The following TOP1 variants were observed in gnomAD, a reference collection of about 807,000 sequenced individuals.
TOP1 encodes the protein DNA topoisomerase I.
A neutral mutation model predicts 111.1 loss-of-function variants in TOP1; 10 were observed. That is an observed-to-expected ratio of 0.09 (90% CI 0.06 to 0.15). TOP1 has a LOEUF of 0.15. Among genes scored for constraint, TOP1 ranks in the 10% least tolerant of loss-of-function variants. TOP1 has a pLI of 1.00. For missense variants in TOP1, 474 were observed against 926.7 expected (o/e 0.51, Z 6.34); for synonymous variants, 271 against 302.9 (o/e 0.89, Z 1.10).
intron 13 of TOP1, among the ~76,000 whole-genome samples, chr20:41,103,673 A>G (rs1600592301): frequency 6.6e-6 from 1 of 152,012 alleles, no homozygotes; most frequent in Non-Finnish European, 1.5e-5. Context: ...TTAAATTAGT[A>G]CCTGAAGATC....
chr20:41,100,423 A>T lies in TOP1; in HGVS notation c.1163+180A>T, dbSNP rs1436635935. On this transcript the variant is annotated intron_variant, in intron 12 of 20. Coordinates refer to ENST00000361337, the MANE Select transcript of TOP1 (RefSeq NM_003286.4). The surrounding 1 kb of genome is among the most constrained non-coding windows in gnomAD (Gnocchi z 4.4). Reference sequence around the variant, plus strand: ...GGTACAGTTGTCTCCCCTCATCCACAGGGGATATGTTCCAAGACCCCCAGT... The same window carrying T: ...GGTACAGTTGTCTCCCCTCATCCACTGGGGATATGTTCCAAGACCCCCAGT... Among the ~76,000 whole-genome samples the T allele has an allele frequency of 6.6e-6, 1 of 151,596 alleles. No individual in the cohort carries two copies. Among genetic ancestry groups the T allele is most frequent in the African/African-American group, 2.4e-5 (1 of 41,384 alleles).
chr20:41,040,631 C>G (rs1038054225), intron 2 of TOP1, among the ~76,000 whole-genome samples: 6 of 151,780 alleles, frequency 4.0e-5, no homozygotes, highest in African/African-American at 2.4e-5. Context: ...TAAAAAAAAC[C>G]TCATCTCTAC....
At chr20:41,040,561 G>C (rs889145488) in intron 2 of TOP1, among the ~76,000 whole-genome samples, 4 of 152,070 alleles carry the variant, frequency 2.6e-5, no homozygotes, top group African/African-American at 9.7e-5. Context: ...AAGTGCTCCA[G>C]GGCCAGGCAC....
In TOP1 at chr20:41,122,357, A is replaced by G. The variant is rs1820962087; in HGVS notation, c.2195+202A>G. ...GCATTGCAACATTCTGGTTGCTCCTAAATGGTCAGTGCTGTTACACTGCCT... is the reference window on the plus strand; with the variant it reads ...GCATTGCAACATTCTGGTTGCTCCTGAATGGTCAGTGCTGTTACACTGCCT... On this transcript the variant is annotated intron_variant, in intron 20 of 20. Coordinates refer to ENST00000361337, the MANE Select transcript of TOP1 (RefSeq NM_003286.4). The surrounding 1 kb of genome is among the most constrained non-coding windows in gnomAD (Gnocchi z 5.4). Among the ~76,000 whole-genome samples, 1 of 152,144 alleles carries G rather than the reference A, an allele frequency of 6.6e-6. No individual in the cohort carries two copies. Among genetic ancestry groups the G allele is most frequent in the South Asian group, 2.1e-4 (1 of 4,824 alleles).
Position 41,097,272 on chromosome 20 carries a change from A to G in TOP1, c.783A>G (p.Ala261=), listed in dbSNP as rs2033994807. ...CAGAGGAAGTAGCTACGTTCTTTGCAAAAATGCTCGACCATGAATATACTA... is the reference window on the plus strand; with the variant it reads ...CAGAGGAAGTAGCTACGTTCTTTGCGAAAATGCTCGACCATGAATATACTA... ...PKAEEVATFF[A]KMLDHEYTTK... The change falls in exon 10 of 21, where the codon GCA becomes GCG. Residue 261 remains alanine, a synonymous_variant. Coordinates refer to ENST00000361337, the MANE Select transcript of TOP1 (RefSeq NM_003286.4). The surrounding 1 kb of genome is among the most constrained non-coding windows in gnomAD (Gnocchi z 4.2). 6.2e-7 allele frequency: 1 copy of G among 1,614,098 alleles called. No individual in the cohort carries two copies. Among genetic ancestry groups the G allele is most frequent in the Non-Finnish European group, 8.5e-7 (1 of 1,179,984 alleles).
At chr20:41,048,183 AAAT>A (rs1448251859) in intron 2 of TOP1, among the ~76,000 whole-genome samples, 1 of 152,180 alleles carries the variant, frequency 6.6e-6, no homozygotes, top group East Asian at 1.9e-4. Context: ...TAGAAACTGA[AAAT>A]AAAATCAGCA....
Position 41,116,422 on chromosome 20 carries a change from C to T in TOP1, c.1822+30C>T. 1.3e-6 allele frequency: 2 copies of T among 1,520,506 alleles called. No individual in the cohort carries two copies. Among genetic ancestry groups the T allele is most frequent in the Non-Finnish European group, 1.8e-6 (2 of 1,094,738 alleles). 94.2% of individuals were successfully genotyped at this position (1,520,506 alleles called of 1,614,324 possible). ...GTATTGCTTGGCCAGATAGGGCCCA[C>T]ACCCCTACTAATGGTATCCGGTGAC... On this transcript the variant is annotated intron_variant, in intron 17 of 20. Transcript: ENST00000361337. This position sits in a 1 kb window ranked among gnomAD's most constrained non-coding sequence, Gnocchi z 5.6.
At chr20:41,119,955 G>A (rs995654283) in intron 18 of TOP1, among the ~76,000 whole-genome samples, 21 of 152,232 alleles carry the variant, frequency 1.4e-4, no homozygotes, top group African/African-American at 5.1e-4. Context: ...ACCCCTCCCA[G>A]GAGCATGAGG....
rs944645125 is a variant in TOP1, at chr20:41,095,477, G to T, written c.731-1743G>T. Among the ~76,000 whole-genome samples the T allele has an allele frequency of 2.6e-5, 4 of 152,094 alleles. No individual in the cohort carries two copies. Among genetic ancestry groups the T allele is most frequent in the Non-Finnish European group, 5.9e-5 (4 of 68,010 alleles). On this transcript the variant is annotated intron_variant, in intron 9 of 20. Transcript: ENST00000361337. The surrounding 1 kb of genome is among the most constrained non-coding windows in gnomAD (Gnocchi z 4.6). The stretch of plus-strand genomic sequence containing the variant: ...TTACAGTTTTCTAAAGAAGTTCAGG[G>T]AATCTTTTAATACACAGCCTATCTT...
chr20:41,105,155 A>G (rs1481314243), intron 13 of TOP1, among the ~76,000 whole-genome samples: 1 of 152,122 alleles, frequency 6.6e-6, no homozygotes, highest in African/African-American at 2.4e-5. Flanking sequence ...TTTTATTCTC[A>G]TACATATTTT....
At chr20:41,075,103 G>A (rs1302124953) in intron 3 of TOP1, among the ~76,000 whole-genome samples, 2 of 151,970 alleles carry the variant, frequency 1.3e-5, no homozygotes, top group Non-Finnish European at 2.9e-5. Context: ...TTGTTTGTTC[G>A]TTTTTGTTTT....
At position 41,094,522 on chromosome 20, in the gene TOP1, T is replaced by C. The variant is rs1306954520; in HGVS notation, c.730+1935T>C. Among the ~76,000 whole-genome samples, 1 of 152,176 alleles carries C rather than the reference T, an allele frequency of 6.6e-6. No individual in the cohort carries two copies. The highest frequency in any genetic ancestry group is 1.5e-5 in the Non-Finnish European group (1 of 68,018). On this transcript the variant is annotated intron_variant, in intron 9 of 20. Transcript: ENST00000361337. The surrounding 1 kb of genome is among the most constrained non-coding windows in gnomAD (Gnocchi z 4.4). ...TTCAAGATAGGAAGCAGAGGCCTGG[T>C]CTAGTTCACAGGTTGCCATAGTCCT...
chr20:41,086,511 T>C (rs546551620), intron 8 of TOP1, among the ~76,000 whole-genome samples: 1 of 152,358 alleles, frequency 6.6e-6, no homozygotes, highest in South Asian at 2.1e-4. Context: ...CATTTCCTTA[T>C]CAGGAGCTCC....
In TOP1 at chr20:41,050,111, G is replaced by T. The variant is rs190433953; in HGVS notation, c.59-11283G>T. On this transcript the variant is annotated intron_variant, in intron 2 of 20. Transcript: ENST00000361337. ...TGGCTCACTGCAACCTCCGCCTCCG[G>T]GTTCAAGTGATTCTCCTGCCTCAGC... 3.9e-5 allele frequency among the ~76,000 whole-genome samples: 6 copies of T among 152,306 alleles called. No individual in the cohort carries two copies. The East Asian group carries it at 1.2e-3, about 29-fold the overall frequency.
At chr20:41,072,622 G>A (rs962953398) in intron 3 of TOP1, 3 of 985,230 alleles carry the variant, frequency 3.0e-6, no homozygotes, top group Non-Finnish European at 3.6e-6. Context: ...TTGGCAGTGG[G>A]GTTTGCTCTT....
chr20:41,099,922 C>T, intron 11 of TOP1, 134 bp from the exon 12 acceptor site: 1 of 588,926 alleles, frequency 1.7e-6, no homozygotes, highest in Non-Finnish European at 2.8e-6. Flanking sequence ...AGAGGTTTTC[C>T]TTTATTTGAA....
chr20:41,092,958 T>C lies in TOP1; in HGVS notation c.730+371T>C, dbSNP rs1044318378. 3.3e-5 allele frequency among the ~76,000 whole-genome samples: 5 copies of C among 152,230 alleles called. No homozygotes were observed. Among genetic ancestry groups the C allele is most frequent in the African/African-American group, 9.6e-5 (4 of 41,464 alleles). Reference sequence around the variant, plus strand: ...ATGGTAGTATTTTATGTTAGCAATATAACAATGCAATCGGACAAGCTGCTC... The same window carrying C: ...ATGGTAGTATTTTATGTTAGCAATACAACAATGCAATCGGACAAGCTGCTC... On this transcript the variant is annotated intron_variant, in intron 9 of 20. Transcript: ENST00000361337. The surrounding 1 kb of genome is among the most constrained non-coding windows in gnomAD (Gnocchi z 4.3).
chr20:41,050,172 A>G (rs754715445), intron 2 of TOP1, among the ~76,000 whole-genome samples: 12 of 152,152 alleles, frequency 7.9e-5, no homozygotes, highest in Non-Finnish European at 1.6e-4. Flanking sequence ...GTGCATCACC[A>G]TGCCCGGCTA....
intron 8 of TOP1, among the ~76,000 whole-genome samples, chr20:41,086,423 A>C (rs1600580362): frequency 6.6e-6 from 1 of 152,336 alleles, no homozygotes; most frequent in African/African-American, 2.4e-5. Context: ...TTGGGAGTTA[A>C]GAGAATGGTA....
Sources: allele counts gnomAD v4.1 joint callset (sites outside exome capture counted in the v4.1 genomes callset), GRCh38; gene constraint gnomAD v4.1.1; non-coding constraint Gnocchi (gnomAD v3.1); transcripts MANE v1.5; gene names NCBI Gene and HGNC (gene_info 2026-07-23, HGNC 2026-07-21).